Variants in FBXO10 observed in about 807,000 individuals in gnomAD.
FBXO10 encodes F-box protein 10, also known as F-box only protein 10.
A neutral mutation model predicts 80.7 loss-of-function variants in FBXO10; 39 were observed. The ratio of observed to expected loss-of-function variants is 0.48; its 90% confidence interval spans 0.37 to 0.63. FBXO10 has a LOEUF of 0.63. Among genes scored for constraint, FBXO10 ranks in the 30% least tolerant of loss-of-function variants. FBXO10 has a pLI of 0.00. For synonymous variants in FBXO10, 449 were observed against 489.6 expected (o/e 0.92, Z 1.09); for missense variants, 1,025 against 1,269.0 (o/e 0.81, Z 2.92).
intron 2 of FBXO10, 25 bp downstream of exon 2, chr9:37,541,159 G>A (rs1821902694): frequency 6.5e-6 from 10 of 1,548,536 alleles, no homozygotes; most frequent in African/African-American, 1.4e-5. Flanking sequence ...AACTAGAAAG[G>A]CCGTCTATTG....
rs1020776009 is a variant in FBXO10 at position 37,531,930 on chromosome 9, T to C, written c.1548A>G (p.Lys516=). Residue 516 remains lysine (K), a synonymous_variant, in exon 4 of 11, where the codon AAA becomes AAG. Transcript: ENST00000432825. ...GTACCAGTATGAGTGGGTTGGACTT[T>C]TTCCGGATGTCTACACCAGCCTCTG... ...HNAEAGVDIR[K]KSNPLILCNQ... is the part of the protein sequence containing the mutation. 3 of 1,613,920 alleles carry C rather than the reference T, an allele frequency of 1.9e-6. No individual in the cohort carries two copies. Among genetic ancestry groups the C allele is most frequent in the Non-Finnish European group, 2.5e-6 (3 of 1,179,824 alleles).
chr9:37,522,837 T>C lies in FBXO10; in HGVS notation c.1918A>G (p.Asn640Asp), dbSNP rs779913467. Reference protein sequence around the residue: ...GDEGKGLIEGNTIYANKGCGV... With the variant: ...GDEGKGLIEGDTIYANKGCGV... Reference sequence around the variant, plus strand: ...ACAAGCTCCTCACCGTAGATGGTATTTCCTTCTATGAGGCCTTTGCCTTCG... The same window carrying C: ...ACAAGCTCCTCACCGTAGATGGTATCTCCTTCTATGAGGCCTTTGCCTTCG... Residue 640 changes from asparagine to aspartate, a missense_variant, in exon 7 of 11, where the codon AAT becomes GAT. This residue lies in a region of FBXO10 where 478 missense variants were observed against 667.8 expected (regional missense o/e 0.72). Coordinates refer to ENST00000432825, the MANE Select transcript of FBXO10 (RefSeq NM_012166.3). 2 of 1,551,986 alleles carry C rather than the reference T, an allele frequency of 1.3e-6. No individual in the cohort carries two copies. The highest frequency in any genetic ancestry group is 2.7e-5 in the African/African-American group (2 of 73,030).
chr9:37,548,228 T>C (rs568203849), intron 1 of FBXO10, among the ~76,000 whole-genome samples: 1 of 151,624 alleles, frequency 6.6e-6, no homozygotes, highest in South Asian at 2.1e-4. Flanking sequence ...CTACTAAAAA[T>C]ACAAAAATTA....
chr9:37,522,712 C>A, intron 7 of FBXO10, 113 bp downstream of exon 7: 1 of 1,294,278 alleles, frequency 7.7e-7, no homozygotes, highest in South Asian at 1.5e-5. Flanking sequence ...AGTGCCTGTT[C>A]AGATGAGGTC....
rs1253280570 is a variant in FBXO10, at chr9:37,521,762, G to A, written c.2007C>T (p.Gly669=). The change falls in exon 8 of 11, where the codon GGC becomes GGT. Residue 669 remains glycine (G), a synonymous_variant. Transcript: ENST00000432825. ...GGCTAAATACTGCCACTCCATACAGGCCATTGTAGCTGACGTGGTTGCTGG... is the reference window on the plus strand; with the variant it reads ...GGCTAAATACTGCCACTCCATACAGACCATTGTAGCTGACGTGGTTGCTGG... The part of the protein sequence containing the change: ...HVTSNHVSYN[G]LYGVAVFSQK... 5 of 1,612,406 alleles carry A rather than the reference G, an allele frequency of 3.1e-6. No individual in the cohort carries two copies. Among genetic ancestry groups the A allele is most frequent in the Non-Finnish European group, 4.2e-6 (5 of 1,179,650 alleles).
intron 2 of FBXO10, among the ~76,000 whole-genome samples, chr9:37,538,657 G>A (rs140504550): frequency 0.012 from 1,734 of 148,596 alleles, 40 homozygotes; most frequent in African/African-American, 0.042. Context: ...GCAGTGAGCC[G>A]AGATTGCGCC....
intron 1 of FBXO10, among the ~76,000 whole-genome samples, chr9:37,574,474 C>A (rs1387626592): frequency 3.3e-5 from 5 of 152,176 alleles, no homozygotes; most frequent in Non-Finnish European, 7.3e-5. Context: ...CGGCTCTTCT[C>A]AGAAATCTAA....
At chr9:37,523,183 G>A (rs1430255566) in intron 6 of FBXO10, among the ~76,000 whole-genome samples, 1 of 143,774 alleles carries the variant, frequency 7.0e-6, no homozygotes, top group Non-Finnish European at 1.5e-5. Context: ...CAAGGCTTGT[G>A]TCTATCTTGT....
At chr9:37,522,241 C>T in intron 7 of FBXO10, 1 of 632,852 alleles carries the variant, frequency 1.6e-6, no homozygotes, top group Non-Finnish European at 2.0e-6. Context: ...TCTCTCTGTC[C>T]CTCAGTTTTC....
chr9:37,525,159 A>G lies in FBXO10; in HGVS notation c.1720T>C (p.Phe574Leu), dbSNP rs1315328314. 6.4e-7 allele frequency: 1 copy of G among 1,562,978 alleles called. No individual in the cohort carries two copies. Among genetic ancestry groups the G allele is most frequent in the East Asian group, 2.4e-5 (1 of 41,856 alleles). ...GCTATGCCGGCAGCACGGCCCTTGA[A>G]GATGTGGTTCCCGCTAAAGTGGAAG... ...GNPVVSGNHI[F>L]KGRAAGIAVN... is the part of the protein sequence containing the mutation. The change falls in exon 6 of 11, where the codon TTC becomes CTC. Residue 574 changes from phenylalanine (F) to leucine (L), a missense_variant. Phe to Leu is a conservative substitution (Grantham distance 22). Transcript: ENST00000432825.
intron 2 of FBXO10, among the ~76,000 whole-genome samples, chr9:37,539,486 AGTCTAACGCCAG>A (rs1821861361): frequency 6.6e-6 from 1 of 152,246 alleles, no homozygotes; most frequent in Non-Finnish European, 1.5e-5. Context: ...GCTACAAACA[AGTCTAACGCCAG>A]GCCTCATCCC....
intron 3 of FBXO10, among the ~76,000 whole-genome samples, chr9:37,534,776 ACTCT>A (rs1374860836): frequency 2.0e-5 from 3 of 152,222 alleles, no homozygotes; most frequent in South Asian, 4.2e-4. Context: ...TTTCCCCCTA[ACTCT>A]CTTACAAAAC....
At chr9:37,518,541 G>T in intron 8 of FBXO10, 103 bp from the exon 9 acceptor site, 1 of 994,372 alleles carries the variant, frequency 1.0e-6, no homozygotes, top group Non-Finnish European at 1.4e-6. Context: ...GGAGAACGGA[G>T]TGGAGAAGAA....
chr9:37,519,208 C>G (rs567565316), intron 8 of FBXO10, among the ~76,000 whole-genome samples: 2 of 152,202 alleles, frequency 1.3e-5, no homozygotes, highest in East Asian at 3.8e-4. Flanking sequence ...CATGCCTGGC[C>G]GGAAATTTTC....
rs1025458683 is a variant in FBXO10 at position 37,512,572 on chromosome 9, C to A, written c.2846G>T (p.Arg949Leu). The A allele has an allele frequency of 3.1e-6, 5 of 1,613,822 alleles. No homozygotes were observed. In the South Asian group the frequency reaches 5.5e-5, roughly 18 times the overall value. The change falls in exon 11 of 11, where the codon CGC (arginine) becomes CTC (leucine). Residue 949 changes from arginine (R) to leucine (L), a missense_variant. Arg to Leu is a moderately radical substitution (Grantham distance 102, BLOSUM62 -2). Around this residue, in one of 3 missense-constraint regions of FBXO10, gnomAD observed 97 missense variants for 101.8 expected, o/e 0.95. Coordinates refer to ENST00000432825, the MANE Select transcript of FBXO10 (RefSeq NM_012166.3). The stretch of plus-strand genomic sequence containing the variant: ...TCACAGGATGGTGCAGAAGACACTG[C>A]GGTTGCTGTGGTAACCACCTTCCAC... ...ARVEGGYHSN[R>L]SVFCTIL is the part of the protein sequence containing the mutation.
In FBXO10 at chr9:37,537,357, C is replaced by A; in HGVS notation, c.1172G>T (p.Gly391Val). ...AATGGATGCTCCTGGTAGAGGTGGG[C>A]CCAGAAATGAGCCCCCCAATACAGG... ...PRPVLGGSFL[G>V]PPLPGASIQL... The change falls in exon 3 of 11, where the codon GGC becomes GTC. Residue 391 changes from glycine to valine, a missense_variant. Physicochemically the swap from Gly to Val is moderately radical, Grantham distance 109. This residue lies in a region of FBXO10 where 450 missense variants were observed against 499.4 expected (regional missense o/e 0.90). Coordinates refer to ENST00000432825, the MANE Select transcript of FBXO10 (RefSeq NM_012166.3). The A allele has an allele frequency of 6.3e-7, 1 of 1,599,922 alleles. No individual in the cohort carries two copies. The highest frequency in any genetic ancestry group is 8.5e-7 in the Non-Finnish European group (1 of 1,172,782).
At chr9:37,517,693 G>A (rs1821221553) in intron 9 of FBXO10, among the ~76,000 whole-genome samples, 1 of 152,184 alleles carries the variant, frequency 6.6e-6, no homozygotes, top group African/African-American at 2.4e-5. Context: ...GCGGGCAGGA[G>A]GTATGCAGGG....
In FBXO10 at chr9:37,512,647, G is replaced by A; in HGVS notation, c.2771C>T (p.Ala924Val). The A allele has an allele frequency of 6.2e-7, 1 of 1,614,012 alleles. No homozygotes were observed. Among genetic ancestry groups the A allele is most frequent in the South Asian group, 1.1e-5 (1 of 91,080 alleles). ...GGCTGTCACCTTCTGCCCATTGTGG[G>A]CTGCCGAGGGACGTCTGAGAGAATT... is the stretch of plus-strand genomic sequence containing the variant. ...LENSLRRPSA[A>V]HNGQKVTAMA... The change falls in exon 11 of 11, where the codon GCC becomes GTC. Residue 924 changes from alanine (A) to valine (V), a missense_variant. Transcript: ENST00000432825.
At chr9:37,538,590 C>T (rs937711997) in intron 2 of FBXO10, among the ~76,000 whole-genome samples, 1 of 151,954 alleles carries the variant, frequency 6.6e-6, no homozygotes, top group African/African-American at 2.4e-5. Flanking sequence ...CGCCTGTAGT[C>T]CCAGCTACTT....
Sources: gnomAD v4.1 joint callset for allele counts (sites outside exome capture counted in the v4.1 genomes callset) on GRCh38, gnomAD v4.1.1 for gene constraint, gnomAD v4.1.1 regional missense constraint, MANE v1.5 for transcripts, NCBI Gene and HGNC (gene_info 2026-07-23, HGNC 2026-07-21) for gene names.